Variants in FRMD3 observed in about 807,000 individuals in gnomAD.
The protein encoded by FRMD3 is FERM domain-containing protein 3.
In FRMD3, 33 loss-of-function variants were observed where a neutral mutation model predicts 70.2. That is an observed-to-expected ratio of 0.47 (90% CI 0.36 to 0.63). The LOEUF is 0.63. Ranked by LOEUF, FRMD3 falls within the 20% of genes least tolerant of loss-of-function variation. The probability of loss-of-function intolerance (pLI) is 0.00; values close to 1 mark genes in which losing one functional copy is unlikely to be tolerated. For synonymous variants in FRMD3, 279 were observed against 255.9 expected (o/e 1.09, Z -0.86); for missense variants, 632 against 711.4 (o/e 0.89, Z 1.27).
At chr9:83,357,238 AATAC>A (rs1296687970) in intron 3 of FRMD3, among the ~76,000 whole-genome samples, 315 of 3,986 alleles carry the variant, frequency 0.079, 49 homozygotes, top group Non-Finnish European at 0.16. Context: ...ATATATATAT[AATAC>A]ATACATATAT....
intron 6 of FRMD3, among the ~76,000 whole-genome samples, chr9:83,334,248 T>G (rs2131137333): frequency 6.6e-6 from 1 of 152,308 alleles, no homozygotes; most frequent in African/African-American, 2.4e-5. Context: ...CAACAAGGCT[T>G]TTCATTAGGA....
chr9:83,462,753 A>C (rs1461167753), intron 1 of FRMD3, among the ~76,000 whole-genome samples: 1 of 152,216 alleles, frequency 6.6e-6, no homozygotes, highest in African/African-American at 2.4e-5. Flanking sequence ...CTCCCTAATC[A>C]GATCAGAGAG....
At position 83,537,218 on chromosome 9, in the gene FRMD3, T is replaced by C. The variant is rs1380899010; in HGVS notation, c.147+867A>G. 6.6e-6 allele frequency among the ~76,000 whole-genome samples: 1 copy of C among 152,078 alleles called. No individual in the cohort carries two copies. Among genetic ancestry groups the C allele is most frequent in the Admixed American group, 6.5e-5 (1 of 15,278 alleles). The stretch of plus-strand genomic sequence containing the variant: ...CCTTTGCACCTCACACTAGCTCTCC[T>C]GACAGCCCAGAGGCACTTACTACCC... On this transcript the variant is annotated intron_variant, in intron 1 of 13. Transcript: ENST00000304195. This position sits in a 1 kb window ranked among gnomAD's most constrained non-coding sequence, Gnocchi z 4.1.
intron 1 of FRMD3, among the ~76,000 whole-genome samples, chr9:83,441,810 T>C (rs899509274): frequency 2.0e-5 from 3 of 152,188 alleles, no homozygotes; most frequent in Non-Finnish European, 2.9e-5. Context: ...AAGGGAGGTA[T>C]GTTTTCTTCC....
chr9:83,549,462 A>G, the FRMD3 span, among the ~76,000 whole-genome samples: 7 of 152,164 alleles, frequency 4.6e-5, no homozygotes, highest in Admixed American at 4.6e-4. Flanking sequence ...TCCTCTGGGT[A>G]TACACCCAGT....
chr9:83,407,873 C>CTCCTCTCTCTCTCTCTCT (rs1564062738), intron 1 of FRMD3, among the ~76,000 whole-genome samples: 1 of 91,896 alleles, frequency 1.1e-5, no homozygotes, highest in African/African-American at 6.2e-5. Context: ...CTCTCTCTCT[C>CTCCTCTCTCTCTCTCTCT]ATCTTTCTCT....
chr9:83,436,948 T>C (rs1827153959), intron 1 of FRMD3, among the ~76,000 whole-genome samples: 5 of 152,128 alleles, frequency 3.3e-5, no homozygotes, highest in Admixed American at 2.6e-4. Flanking sequence ...CCCTGAAATA[T>C]ATAACCCTTC....
intron 1 of FRMD3, among the ~76,000 whole-genome samples, chr9:83,520,907 C>T (rs1829556373): frequency 1.4e-5 from 2 of 145,358 alleles, no homozygotes; most frequent in Non-Finnish European, 3.0e-5. Flanking sequence ...GGTGGACCAC[C>T]TGAGATCAGG....
chr9:83,545,355 T>TG, the FRMD3 span, among the ~76,000 whole-genome samples: 27 of 126,308 alleles, frequency 2.1e-4, no homozygotes, highest in Admixed American at 1.1e-3. Flanking sequence ...TGTTTTTTTT[T>TG]GTTTTTTTTT....
rs1411547470 is a variant in FRMD3 at position 83,245,695 on chromosome 9, A to G, written c.*2223T>C. The G allele has an allele frequency of 6.2e-6, 6 of 972,204 alleles. No homozygotes were observed. In the African/African-American group the frequency reaches 1.1e-4, roughly 17 times the overall value. The allele number at this position is 972,204 out of a possible 1,614,324, so 60.2% of individuals were successfully genotyped here. ...ATATTATTTTGAAAGACTGAGGGCC[A>G]GATGATTTGTCATAGTCAGAACTTT... On this transcript the variant is annotated 3_prime_UTR_variant, in exon 14 of 14. Coordinates refer to ENST00000304195, the MANE Select transcript of FRMD3 (RefSeq NM_174938.6).
intron 1 of FRMD3, among the ~76,000 whole-genome samples, chr9:83,391,072 C>T (rs964753187): frequency 2.0e-5 from 3 of 152,076 alleles, no homozygotes; most frequent in South Asian, 2.1e-4. Context: ...GCCTGGGATG[C>T]GCTGCACTGA....
intron 3 of FRMD3, among the ~76,000 whole-genome samples, chr9:83,352,161 C>G (rs1459989897): frequency 1.3e-5 from 2 of 152,288 alleles, no homozygotes; most frequent in Admixed American, 1.3e-4. Context: ...CTACATCAAA[C>G]CATATCCATC....
At chr9:83,527,889 GA>G (rs1829717734) in intron 1 of FRMD3, among the ~76,000 whole-genome samples, 1 of 152,140 alleles carries the variant, frequency 6.6e-6, no homozygotes, top group African/African-American at 2.4e-5. Flanking sequence ...AGAGCAACTT[GA>G]AATTCTCCAT....
the FRMD3 span, among the ~76,000 whole-genome samples, chr9:83,552,731 C>A: frequency 6.6e-6 from 1 of 151,984 alleles, no homozygotes; most frequent in Non-Finnish European, 1.5e-5. Flanking sequence ...TTATGTAATG[C>A]CTTTCTTTGT....
chr9:83,370,253 G>C (rs1824927789), intron 3 of FRMD3, among the ~76,000 whole-genome samples: 1 of 152,010 alleles, frequency 6.6e-6, no homozygotes, highest in African/African-American at 2.4e-5. Context: ...GGTTTCTCTG[G>C]ATTAACAATA....
chr9:83,492,531 C>A (rs1828850991), intron 1 of FRMD3, among the ~76,000 whole-genome samples: 1 of 152,196 alleles, frequency 6.6e-6, no homozygotes. Flanking sequence ...TCCCCTGGGG[C>A]CAGGGCAGGC....
intron 5 of FRMD3, among the ~76,000 whole-genome samples, chr9:83,336,767 A>C (rs1823594872): frequency 6.7e-6 from 1 of 149,370 alleles, no homozygotes; most frequent in South Asian, 2.2e-4. Context: ...GTCAGACCTC[A>C]TTATACCCCC....
intron 1 of FRMD3, among the ~76,000 whole-genome samples, chr9:83,491,055 T>A (rs1828813326): frequency 6.6e-6 from 1 of 152,168 alleles, no homozygotes; most frequent in South Asian, 2.1e-4. Context: ...TATTGAAGTC[T>A]CTGTGAAGTC....
At chr9:83,455,953 G>A (rs1827805751) in intron 1 of FRMD3, among the ~76,000 whole-genome samples, 1 of 152,040 alleles carries the variant, frequency 6.6e-6, no homozygotes, top group Admixed American at 6.6e-5. Flanking sequence ...GTATACATGG[G>A]GGCATTTTTC....
Sources: gnomAD v4.1 joint callset for allele counts (sites outside exome capture counted in the v4.1 genomes callset) on GRCh38, gnomAD v4.1.1 for gene constraint, Gnocchi (gnomAD v3.1) non-coding constraint, MANE v1.5 for transcripts, NCBI Gene and HGNC (gene_info 2026-07-23, HGNC 2026-07-21) for gene names.